GPAM: variants seen among roughly 807,000 people sequenced by gnomAD.
GPAM encodes glycerol-3-phosphate acyltransferase 1, mitochondrial.
GPAM carries 56 observed loss-of-function variants against 105.0 expected under a neutral mutation model. The ratio of observed to expected loss-of-function variants is 0.53; its 90% CI spans 0.43 to 0.67. The LOEUF (loss-of-function observed/expected upper bound fraction) is 0.67, where lower values mean the gene tolerates loss of function less well. Among genes scored for constraint, GPAM ranks in the 30% least tolerant of loss-of-function variants. GPAM has a pLI of 0.00. For synonymous variants in GPAM, 368 were observed against 354.4 expected (o/e 1.04, Z -0.43); for missense variants, 855 against 989.8 (o/e 0.86, Z 1.83).
At chr10:112,199,512 A>C (rs138931691) in intron 1 of GPAM, among the ~76,000 whole-genome samples, 24 of 152,332 alleles carry the variant, frequency 1.6e-4, no homozygotes, top group African/African-American at 5.8e-4. Context: ...GTATACTTGC[A>C]AATTGTTAAG....
At chr10:112,170,116 C>T (rs1847287917) in intron 9 of GPAM, among the ~76,000 whole-genome samples, 1 of 152,098 alleles carries the variant, frequency 6.6e-6, no homozygotes, top group Non-Finnish European at 1.5e-5. Context: ...ATCCCAAAAC[C>T]ATCCTCCCCA....
the GPAM span, among the ~76,000 whole-genome samples, chr10:112,223,733 G>T: frequency 2.0e-5 from 3 of 152,160 alleles, no homozygotes; most frequent in African/African-American, 7.2e-5. Flanking sequence ...AATATTTTAG[G>T]CTATATGGGT....
rs1225702171 is a variant in GPAM at position 112,192,877 on chromosome 10, T to G, written n.211-9986A>C. Among the ~76,000 whole-genome samples, 4 of 152,196 alleles carry G rather than the reference T, an allele frequency of 2.6e-5. No individual in the cohort carries two copies. The South Asian group carries it at 8.3e-4, about 32-fold the overall frequency. ...AACCAGGAAGAGAAGAAGTGGGCAATGATTCAGGAGCTATGTTGTATGCAG... is the reference window on the plus strand; with the variant it reads ...AACCAGGAAGAGAAGAAGTGGGCAAGGATTCAGGAGCTATGTTGTATGCAG... On this transcript the variant is annotated intron_variant and non_coding_transcript_variant, in intron 1 of 3. Coordinates refer to the GPAM transcript ENST00000480130.
chr10:112,152,722 G>A lies in GPAM; in HGVS notation c.*828C>T. ...AGGTATTACCTGAGGGGTGGACGAGGTACAGACATAAAACAGGAAGGGTTC... is the reference window on the plus strand; with the variant it reads ...AGGTATTACCTGAGGGGTGGACGAGATACAGACATAAAACAGGAAGGGTTC... On this transcript the variant is annotated 3_prime_UTR_variant, in exon 22 of 22. Transcript: ENST00000348367. The A allele has an allele frequency of 1.0e-6, 1 of 981,788 alleles. No homozygotes were observed. Among genetic ancestry groups the A allele is most frequent in the Non-Finnish European group, 1.2e-6 (1 of 826,652 alleles). The allele number at this position is 981,788 out of a possible 1,614,324, so 60.8% of individuals were successfully genotyped here.
At chr10:112,200,240 T>TAGAGAGAG (rs1464259484) in intron 1 of GPAM, among the ~76,000 whole-genome samples, 12 of 129,384 alleles carry the variant, frequency 9.3e-5, no homozygotes, top group African/African-American at 3.5e-4. Context: ...TATATATATA[T>TAGAGAGAG]ATATAGAGAG....
At chr10:112,193,029 G>A (rs1162869210) in intron 1 of GPAM, among the ~76,000 whole-genome samples, 3 of 152,202 alleles carry the variant, frequency 2.0e-5, no homozygotes, top group Non-Finnish European at 2.9e-5. Flanking sequence ...TACTTTAGAG[G>A]CATTTTCTCA....
At chr10:112,186,107 A>T (rs1454199642), upstream of GPAM, among the ~76,000 whole-genome samples, 1 of 152,072 alleles carries the variant, frequency 6.6e-6, no homozygotes, top group Non-Finnish European at 1.5e-5. Flanking sequence ...AAAGCCACTG[A>T]TAAAGAGAAA....
intron 18 of GPAM, 37 bp from the exon 19 acceptor site, chr10:112,157,426 C>T (rs1847037847): frequency 6.2e-7 from 1 of 1,601,816 alleles, no homozygotes; most frequent in South Asian, 1.1e-5. Context: ...AATAAATATG[C>T]ACTGGCACAC....
chr10:112,183,198 T>C (rs1422734954), intron 1 of GPAM, among the ~76,000 whole-genome samples: 1 of 152,168 alleles, frequency 6.6e-6, no homozygotes, highest in East Asian at 1.9e-4. Flanking sequence ...ATCTGGAAAA[T>C]GGGCAGAATG....
Position 112,161,708 on chromosome 10 carries a change from T to C in GPAM, c.1453A>G (p.Thr485Ala). 1.2e-6 allele frequency: 2 copies of C among 1,614,106 alleles called. No homozygotes were observed. The highest frequency in any genetic ancestry group is 1.1e-5 in the South Asian group (1 of 91,074). The change falls in exon 15 of 22, where the codon ACA becomes GCA. Residue 485 changes from threonine to alanine, a missense_variant. By Grantham distance (58) the Thr-to-Ala change is moderately conservative. Transcript: ENST00000348367. The part of the protein sequence containing the change: ...TASKSCAIMS[T>A]HIVACLLLYR... ...AGGAGCAGGCAAGCCACAATGTGTG[T>C]GGACATAATGGCACAGGACTTGCTA...
the GPAM span, among the ~76,000 whole-genome samples, chr10:112,225,154 C>G: frequency 1.3e-5 from 2 of 152,196 alleles, no homozygotes; most frequent in African/African-American, 2.4e-5. Flanking sequence ...ATTTCAGCTT[C>G]TGGTCTAGAA....
In GPAM at chr10:112,212,763, C is replaced by T. The variant is rs149514848; in HGVS notation, n.210+2405G>A. The stretch of plus-strand genomic sequence containing the variant: ...AGCCTTGGTTTGTTCATCTGAAACA[C>T]AGGGTGGTGGTAATCCCTCTACCTC... On this transcript the variant is annotated intron_variant and non_coding_transcript_variant, in intron 1 of 3. Coordinates refer to the GPAM transcript ENST00000480130. Among the ~76,000 whole-genome samples, 631 of 152,310 alleles carry T rather than the reference C, an allele frequency of 4.1e-3. 4 individuals are homozygous for T. The highest frequency in any genetic ancestry group is 0.015 in the African/African-American group (611 of 41,556).
rs59715102 is a variant in GPAM at position 112,200,244 on chromosome 10, TAGAGAGAG to T, written n.210+14916_210+14923del. Among the ~76,000 whole-genome samples the T allele has an allele frequency of 4.6e-3, 564 of 123,492 alleles. 2 individuals are homozygous for T. Among genetic ancestry groups the T allele is most frequent in the African/African-American group, 0.017 (546 of 32,306 alleles). The allele number at this position is 123,492 out of a possible 152,430, so 81.0% of individuals were successfully genotyped here. On this transcript the variant is annotated intron_variant and non_coding_transcript_variant, in intron 1 of 3. Coordinates refer to the GPAM transcript ENST00000480130. ...CACTATATGTATATATATATATATA[TAGAGAGAG>T]AGAGAGAGAGAGAGAGAATAGTTTT...
chr10:112,156,926 G>A, intron 19 of GPAM: 1 of 500,914 alleles, frequency 2.0e-6, no homozygotes, highest in Non-Finnish European at 3.5e-6. Context: ...CAGGTCAGTG[G>A]CAGCTCAATA....
chr10:112,212,495 C>T (rs1025144379), intron 1 of GPAM, among the ~76,000 whole-genome samples: 3 of 152,150 alleles, frequency 2.0e-5, no homozygotes, highest in African/African-American at 7.2e-5. Context: ...GATCTCCTGA[C>T]CTCATGATCC....
At chr10:112,225,091 A>G in the GPAM span, among the ~76,000 whole-genome samples, 1 of 152,264 alleles carries the variant, frequency 6.6e-6, no homozygotes, top group South Asian at 2.1e-4. Context: ...CCCCAGCAAG[A>G]AAGTGGCCCC....
chr10:112,160,123 T>A (rs1229155702), intron 16 of GPAM, 70 bp from the exon 17 acceptor site: 7 of 1,431,936 alleles, frequency 4.9e-6, no homozygotes, highest in Non-Finnish European at 6.9e-6. Flanking sequence ...CTGGCTTGAA[T>A]AACCTTAAGA....
At chr10:112,161,793 C>G (rs757231323) in intron 14 of GPAM, 56 bp from the exon 15 acceptor site, 2 of 1,363,224 alleles carry the variant, frequency 1.5e-6, no homozygotes, top group Non-Finnish European at 1.0e-6. Flanking sequence ...CATAGCTGAA[C>G]TTTTTTGAAA....
In GPAM at chr10:112,173,012, T is replaced by G. The variant is rs376601186; in HGVS notation, c.615A>C (p.Gln205His). 6.2e-7 allele frequency: 1 copy of G among 1,610,102 alleles called. No homozygotes were observed. Among genetic ancestry groups the G allele is most frequent in the Non-Finnish European group, 8.5e-7 (1 of 1,176,404 alleles). ...KLFNSFFWNI[Q>H]IHKGQLEMVK... The stretch of plus-strand genomic sequence containing the variant: ...CCATCTCAAGTTGACCTTTGTGAAT[T>G]TGAATGTTCCAAAAGAAGCTGTTGA... Residue 205 changes from glutamine (Q) to histidine (H), a missense_variant, in exon 8 of 22, where the codon CAA becomes CAC. Physicochemically the swap from Gln to His is conservative, Grantham distance 24. Coordinates refer to ENST00000348367, the MANE Select transcript of GPAM (RefSeq NM_001244949.2).
Sources: gnomAD v4.1 joint callset for allele counts (sites outside exome capture counted in the v4.1 genomes callset) on GRCh38, gnomAD v4.1.1 for gene constraint, MANE v1.5 for transcripts, NCBI Gene and HGNC (gene_info 2026-07-23, HGNC 2026-07-21) for gene names.